The following ZBBX variants were observed in gnomAD, a reference collection of about 807,000 sequenced individuals.
ZBBX encodes zinc finger B-box domain-containing protein 1.
In ZBBX, 101 loss-of-function variants were observed where a neutral mutation model predicts 108.5. The observed-to-expected ratio is 0.93, with a 90% confidence interval of 0.79 to 1.10. The LOEUF is 1.10. ZBBX is among the 50% of genes least tolerant of loss of function. The probability of loss-of-function intolerance (pLI) is 0.00; values close to 1 mark genes in which losing one functional copy is unlikely to be tolerated. For missense variants in ZBBX, 1,009 were observed against 941.4 expected, an observed-to-expected ratio of 1.07 and a Z score of -0.94; for synonymous variants, 356 against 323.4, an observed-to-expected ratio of 1.10 and a Z score of -1.08.
chr3:167,260,615 T>C (rs573570338), intron 20 of ZBBX, among the ~76,000 whole-genome samples: 3 of 152,340 alleles, frequency 2.0e-5, no homozygotes, highest in African/African-American at 7.2e-5. Context: ...TGTTCAACTC[T>C]ATTGCTGAGA....
upstream of ZBBX, chr3:167,380,468 T>C (rs1365877160): frequency 6.6e-6 from 1 of 152,206 alleles, no homozygotes; most frequent in East Asian, 1.9e-4. Context: ...CAACAGGCTC[T>C]GGAAGCTTTC....
At chr3:167,384,801 C>G (rs1747857134), upstream of ZBBX, among the ~76,000 whole-genome samples, 1 of 151,958 alleles carries the variant, frequency 6.6e-6, no homozygotes, top group African/African-American at 2.4e-5. Context: ...GAATTTATTC[C>G]TGTAATCATC....
At chr3:167,358,731 T>C (rs1173391861) in intron 8 of ZBBX, among the ~76,000 whole-genome samples, 1 of 151,610 alleles carries the variant, frequency 6.6e-6, no homozygotes, top group East Asian at 1.9e-4. Context: ...GGTCAGGAGA[T>C]CGAGACCATC....
At chr3:167,184,473 C>G in the ZBBX span, among the ~76,000 whole-genome samples, 3 of 152,078 alleles carry the variant, frequency 2.0e-5, no homozygotes, top group African/African-American at 7.2e-5. Flanking sequence ...AATATGCCCT[C>G]ATCATATGAC....
chr3:167,242,594 G>A lies in ZBBX; in HGVS notation c.2304C>T (p.Phe768=). 6.2e-7 allele frequency: 1 copy of A among 1,613,680 alleles called. No individual in the cohort carries two copies. The highest frequency in any genetic ancestry group is 8.5e-7 in the Non-Finnish European group (1 of 1,179,814). ...YSLTSEEFPD[F]SSQSLNISQI... The stretch of plus-strand genomic sequence containing the variant: ...GACTTATATTCAGTGATTGGCTGCT[G>A]AAATCTGGGAACTCTTCTGAGGTTA... Residue 768 remains phenylalanine (F), a synonymous_variant, in exon 21 of 22, where the codon TTC becomes TTT. Coordinates refer to ENST00000675490, the MANE Select transcript of ZBBX (RefSeq NM_001199201.2).
rs541003928 is a variant in ZBBX, at chr3:167,319,938, T to A, written c.983+2179A>T. ...TTCGGAATGCCTGGGTGTGAATGCA[T>A]GTTACTTTAATAGATATCCAGATGG... On this transcript the variant is annotated intron_variant, in intron 12 of 21. Transcript: ENST00000675490. Among the ~76,000 whole-genome samples the A allele has an allele frequency of 3.3e-5, 5 of 152,000 alleles. No individual in the cohort carries two copies. The South Asian group carries it at 1.0e-3, about 32-fold the overall frequency.
chr3:167,313,822 T>G, intron 16 of ZBBX, 152 bp downstream of exon 16: 2 of 672,564 alleles, frequency 3.0e-6, no homozygotes, highest in Non-Finnish European at 4.5e-6. Context: ...AATTGCATAT[T>G]TACTAGAAAA....
chr3:167,294,852 A>G (rs986963580), intron 18 of ZBBX, among the ~76,000 whole-genome samples: 5 of 152,270 alleles, frequency 3.3e-5, no homozygotes, highest in African/African-American at 1.2e-4. Context: ...CAAGAAAAAA[A>G]CAAACAACCC....
intron 2 of ZBBX, among the ~76,000 whole-genome samples, chr3:167,379,209 A>G (rs1747442832): frequency 6.6e-6 from 1 of 152,200 alleles, no homozygotes; most frequent in Non-Finnish European, 1.5e-5. Context: ...GCAATCAACA[A>G]ATATACATTG....
chr3:167,399,382 C>G (rs1455119572), intron 1 of ZBBX: 2 of 152,124 alleles, frequency 1.3e-5, no homozygotes, highest in Non-Finnish European at 2.9e-5. Context: ...AATGGTCTTT[C>G]AACCACTCTA....
At chr3:167,182,362 C>T in the ZBBX span, among the ~76,000 whole-genome samples, 1 of 152,172 alleles carries the variant, frequency 6.6e-6, no homozygotes, top group Non-Finnish European at 1.5e-5. Flanking sequence ...AAGCTAGTAA[C>T]CGCAACACTA....
the ZBBX span, among the ~76,000 whole-genome samples, chr3:167,226,417 G>C: frequency 2.6e-5 from 4 of 151,736 alleles, no homozygotes; most frequent in African/African-American, 9.7e-5. Context: ...TAAGCAAAGA[G>C]TAGTTAATCT....
chr3:167,392,889 A>G (rs1678545119), intron 1 of ZBBX: 1 of 151,886 alleles, frequency 6.6e-6, no homozygotes, highest in African/African-American at 2.4e-5. Context: ...TTAGTGTACC[A>G]ATCTGAAGTT....
At chr3:167,194,607 T>C in the ZBBX span, among the ~76,000 whole-genome samples, 1 of 152,184 alleles carries the variant, frequency 6.6e-6, no homozygotes, top group Non-Finnish European at 1.5e-5. Flanking sequence ...GAGCTGTCAA[T>C]GACAAAATTC....
chr3:167,332,070 A>G (rs893372151), intron 10 of ZBBX, among the ~76,000 whole-genome samples: 2 of 152,154 alleles, frequency 1.3e-5, no homozygotes, highest in African/African-American at 4.8e-5. Context: ...ATTTTTAAAA[A>G]TCCAAATTTG....
At chr3:167,328,423 T>C (rs1737797314) in intron 10 of ZBBX, among the ~76,000 whole-genome samples, 1 of 152,076 alleles carries the variant, frequency 6.6e-6, no homozygotes, top group Non-Finnish European at 1.5e-5. Context: ...GCAATTGCCT[T>C]GTATCCATTC....
chr3:167,181,397 T>C, the ZBBX span, among the ~76,000 whole-genome samples: 1 of 152,148 alleles, frequency 6.6e-6, no homozygotes, highest in Non-Finnish European at 1.5e-5. Context: ...CAATACAAAA[T>C]ATAACTACTT....
At chr3:167,278,362 T>C (rs1460523119) in intron 20 of ZBBX, among the ~76,000 whole-genome samples, 1 of 149,502 alleles carries the variant, frequency 6.7e-6, no homozygotes, top group East Asian at 2.0e-4. Context: ...GCAAGACTAA[T>C]AAAGAAAAAA....
Position 167,350,422 on chromosome 3 carries a change from G to A in ZBBX, c.526C>T (p.Gln176Ter). 6.3e-7 allele frequency: 1 copy of A among 1,588,188 alleles called. No homozygotes were observed. The highest frequency in any genetic ancestry group is 8.6e-7 in the Non-Finnish European group (1 of 1,164,830). ...ALKLHRTTLL[Q>*]AKSQILFNVL... ...TAAATCATTTTAGAAAGCCATACCTGCAAAAGAGTTGTTCTGTGGAGCTTT... is the reference window on the plus strand; with the variant it reads ...TAAATCATTTTAGAAAGCCATACCTACAAAAGAGTTGTTCTGTGGAGCTTT... Residue 176 changes from glutamine to a stop codon, truncating the protein, a stop_gained and splice_region_variant, in exon 9 of 22, where the codon CAG (glutamine) becomes TAG (stop). Transcript: ENST00000675490. LOFTEE classifies it high-confidence loss of function.
Sources: gnomAD v4.1 joint callset for allele counts (sites outside exome capture counted in the v4.1 genomes callset) on GRCh38, gnomAD v4.1.1 for gene constraint, MANE v1.5 for transcripts, NCBI Gene and HGNC (gene_info 2026-07-23, HGNC 2026-07-21) for gene names.